The following NDUFB4 variants were observed in gnomAD, a reference collection of about 807,000 sequenced individuals.
NDUFB4 encodes the protein NADH dehydrogenase [ubiquinone] 1 beta subcomplex subunit 4.
A neutral mutation model predicts 14.5 loss-of-function variants in NDUFB4; 10 were observed. That is an observed-to-expected ratio of 0.69 (90% CI 0.43 to 1.17). The LOEUF (loss-of-function observed/expected upper bound fraction) is 1.17. Among genes scored for constraint, NDUFB4 ranks in the 50% most tolerant of loss-of-function variants. The pLI is 0.00. For synonymous variants in NDUFB4, 65 were observed against 63.4 expected (o/e 1.03, Z -0.12); for missense variants, 165 against 161.1 (o/e 1.02, Z -0.13).
In NDUFB4 at chr3:120,596,377, T is replaced by G. The variant is rs1180828163; in HGVS notation, c.18T>G (p.Tyr6Ter). 1 of 1,614,058 alleles carries G rather than the reference T, an allele frequency of 6.2e-7. No individual in the cohort carries two copies. Among genetic ancestry groups the G allele is most frequent in the Non-Finnish European group, 8.5e-7 (1 of 1,180,020 alleles). Residue 6 changes from tyrosine (Y) to a stop codon, truncating the protein, a stop_gained, in exon 1 of 3, where the codon TAT becomes TAG. Transcript: ENST00000184266. LOFTEE classifies it high-confidence loss of function. The part of the protein sequence containing the change: MSFPK[Y>*]KPSSLRTLPE... The stretch of plus-strand genomic sequence containing the variant: ...TCGCCAAGATGTCGTTCCCAAAGTA[T>G]AAGCCGTCGAGCCTGCGCACTCTGC...
chr3:120,601,391 T>C, intron 2 of NDUFB4, 134 bp downstream of exon 2: 1 of 1,497,626 alleles, frequency 6.7e-7, no homozygotes, highest in South Asian at 1.4e-5. Flanking sequence ...TCCCTTCCTC[T>C]CTTCTTTTAT....
Position 120,596,440 on chromosome 3 carries a change from G to T in NDUFB4, c.81G>T (p.Pro27=). Residue 27 remains proline, a synonymous_variant, in exon 1 of 3, where the codon CCG becomes CCT. Transcript: ENST00000184266. The stretch of plus-strand genomic sequence containing the variant: ...ACCCAGCCGAATACAACATATCTCC[G>T]GAAACCCGGCGGGCGCAAGCCGAGC... The part of the protein sequence containing the change: ...TLDPAEYNIS[P]ETRRAQAERL... 1 of 1,614,098 alleles carries T rather than the reference G, an allele frequency of 6.2e-7. No individual in the cohort carries two copies. The highest frequency in any genetic ancestry group is 8.5e-7 in the Non-Finnish European group (1 of 1,180,010).
At position 120,596,450 on chromosome 3, in the gene NDUFB4, C is replaced by G. The variant is rs748646590; in HGVS notation, c.91C>G (p.Arg31Gly). The change falls in exon 1 of 3, where the codon CGG becomes GGG. Residue 31 changes from arginine to glycine, a missense_variant. Physicochemically the swap from Arg to Gly is moderately radical, Grantham distance 125 (BLOSUM62 -2). Coordinates refer to ENST00000184266, the MANE Select transcript of NDUFB4 (RefSeq NM_004547.6). ...AEYNISPETRRAQAERLAIRA... is the reference protein window; with the variant it reads ...AEYNISPETRGAQAERLAIRA... ...ATACAACATATCTCCGGAAACCCGG[C>G]GGGCGCAAGCCGAGCGGTTGGCCAT... 15 of 1,613,902 alleles carry G rather than the reference C, an allele frequency of 9.3e-6. No individual in the cohort carries two copies. The highest frequency in any genetic ancestry group is 1.7e-5 in the Admixed American group (1 of 59,994).
rs1940079312 is a variant in NDUFB4 at position 120,602,357 on chromosome 3, T to C, written c.*87T>C. ...GTAGTTTCTCTTTCTTAGTATTACCTTGATTCAATGTTAAAAACTATTAAC... is the reference window on the plus strand; with the variant it reads ...GTAGTTTCTCTTTCTTAGTATTACCCTGATTCAATGTTAAAAACTATTAAC... On this transcript the variant is annotated 3_prime_UTR_variant, in exon 3 of 3. Coordinates refer to ENST00000184266, the MANE Select transcript of NDUFB4 (RefSeq NM_004547.6). 3.9e-6 allele frequency: 5 copies of C among 1,283,740 alleles called. No individual in the cohort carries two copies. The East Asian group carries it at 1.2e-4, about 30-fold the overall frequency. 79.5% of individuals were successfully genotyped at this position (1,283,740 alleles called of 1,614,324 possible).
rs1370658885 is a variant in NDUFB4, at chr3:120,601,133, G to A, written c.203G>A (p.Trp68Ter). The part of the protein sequence containing the change: ...GLIENPALLR[W>*]AYARTINVYP... Reference sequence around the variant, plus strand: ...TAGGAAAATCCTGCCTTGCTTCGTTGGGCCTATGCAAGAACAATAAATGTC... The same window carrying A: ...TAGGAAAATCCTGCCTTGCTTCGTTAGGCCTATGCAAGAACAATAAATGTC... The change falls in exon 2 of 3, where the codon TGG becomes TAG. Residue 68 changes from tryptophan to a stop codon, truncating the protein, a stop_gained. Coordinates refer to ENST00000184266, the MANE Select transcript of NDUFB4 (RefSeq NM_004547.6). LOFTEE classifies it high-confidence loss of function. 1.2e-5 allele frequency: 19 copies of A among 1,610,860 alleles called. No homozygotes were observed. Among genetic ancestry groups the A allele is most frequent in the Non-Finnish European group, 1.6e-5 (19 of 1,179,380 alleles).
chr3:120,602,430 T>C lies in NDUFB4; in HGVS notation c.*160T>C. 1 of 624,648 alleles carries C rather than the reference T, an allele frequency of 1.6e-6. No homozygotes were observed. The highest frequency in any genetic ancestry group is 2.7e-6 in the Non-Finnish European group (1 of 364,924). 38.7% of individuals were successfully genotyped at this position (624,648 alleles called of 1,614,324 possible). Reference sequence around the variant, plus strand: ...CGCAGCCCGTGTTGGGAATCTGCTGTCAGAGTGACAGCAAACATTTGCTGT... The same window carrying C: ...CGCAGCCCGTGTTGGGAATCTGCTGCCAGAGTGACAGCAAACATTTGCTGT... On this transcript the variant is annotated 3_prime_UTR_variant, in exon 3 of 3. Transcript: ENST00000184266.
intron 1 of NDUFB4, among the ~76,000 whole-genome samples, chr3:120,600,136 T>TGAG (rs1940033853): frequency 6.9e-6 from 1 of 144,924 alleles, no homozygotes; most frequent in African/African-American, 2.5e-5. Flanking sequence ...TTTTTTTTTT[T>TGAG]AAACTTCTGA....
chr3:120,601,805 T>A, intron 2 of NDUFB4: 1 of 1,025,032 alleles, frequency 9.8e-7, no homozygotes, highest in Non-Finnish European at 1.2e-6. Context: ...CTGGCCCATC[T>A]GCATTCCCAT....
intron 1 of NDUFB4, among the ~76,000 whole-genome samples, chr3:120,598,300 T>C (rs1940001454): frequency 6.6e-6 from 1 of 152,048 alleles, no homozygotes; most frequent in African/African-American, 2.4e-5. Context: ...GCGATCCTCC[T>C]GTCTCCGCCT....
intron 1 of NDUFB4, among the ~76,000 whole-genome samples, chr3:120,600,249 G>C (rs752439616): frequency 4.0e-5 from 6 of 149,800 alleles, no homozygotes; most frequent in Non-Finnish European, 5.9e-5. Context: ...ATGACTTCTT[G>C]ATGTTGGTTA....
chr3:120,599,161 T>C (rs1036750539), intron 1 of NDUFB4, among the ~76,000 whole-genome samples: 2 of 152,090 alleles, frequency 1.3e-5, no homozygotes, highest in African/African-American at 4.8e-5. Context: ...AAGAATGAAG[T>C]TGCCTTTTAC....
At chr3:120,602,019 C>T (rs372015929) in intron 2 of NDUFB4, 189 bp from the exon 3 acceptor site, 18 of 1,337,172 alleles carry the variant, frequency 1.3e-5, no homozygotes, top group South Asian at 2.2e-5. Context: ...ACTGTTTCTT[C>T]GCACACTCCC....
At chr3:120,601,047 A>G (rs942472425) in intron 1 of NDUFB4, 64 bp from the exon 2 acceptor site, 3 of 1,440,150 alleles carry the variant, frequency 2.1e-6, no homozygotes, top group African/African-American at 1.4e-5. Flanking sequence ...AAAAGTCCCT[A>G]TGAATTTGTT....
At chr3:120,597,157 A>G (rs905851097) in intron 1 of NDUFB4, among the ~76,000 whole-genome samples, 4 of 151,362 alleles carry the variant, frequency 2.6e-5, no homozygotes, top group Non-Finnish European at 5.9e-5. Flanking sequence ...ATGGGAATAC[A>G]GTGATTCCTT....
chr3:120,596,742 T>C, intron 1 of NDUFB4: 1 of 593,168 alleles, frequency 1.7e-6, no homozygotes, highest in Non-Finnish European at 3.0e-6. Context: ...TGGCTGGGTT[T>C]GAATCCTGGC....
intron 2 of NDUFB4, 24 bp from the exon 3 acceptor site, chr3:120,602,184 T>C (rs1323335312): frequency 6.2e-7 from 1 of 1,601,216 alleles, no homozygotes; most frequent in East Asian, 2.2e-5. Flanking sequence ...TTGTCTTTAA[T>C]GTACTTTTTT....
chr3:120,601,465 A>C, intron 2 of NDUFB4: 1 of 1,405,630 alleles, frequency 7.1e-7, no homozygotes, highest in Non-Finnish European at 9.2e-7. Context: ...TATTTTTGTT[A>C]GTTCATTTGT....
intron 2 of NDUFB4, 73 bp from the exon 3 acceptor site, chr3:120,602,135 T>C (rs373452066): frequency 1.3e-6 from 2 of 1,560,700 alleles, no homozygotes; most frequent in South Asian, 2.5e-5. Flanking sequence ...CTTTTTTATT[T>C]ATTTATTTTT....
At chr3:120,601,999 T>C in intron 2 of NDUFB4, 2 of 1,314,524 alleles carry the variant, frequency 1.5e-6, no homozygotes, top group Non-Finnish European at 1.9e-6. Context: ...TGTCTTTAGT[T>C]CCTCGGATTA....
Sources: allele counts gnomAD v4.1 joint callset (sites outside exome capture counted in the v4.1 genomes callset), GRCh38; gene constraint gnomAD v4.1.1; transcripts MANE v1.5; gene names NCBI Gene and HGNC (gene_info 2026-07-23, HGNC 2026-07-21).